The following GRIP1 variants were observed in gnomAD, a reference collection of about 807,000 sequenced individuals.
GRIP1 encodes the protein glutamate receptor-interacting protein 1.
In GRIP1, 45 loss-of-function variants were observed where a neutral mutation model predicts 129.9. The ratio of observed to expected loss-of-function variants is 0.35; its 90% CI spans 0.27 to 0.44. GRIP1 has a LOEUF of 0.44. GRIP1 is among the 20% of genes least tolerant of loss of function. GRIP1 has a pLI of 1.00. For synonymous variants in GRIP1, 530 were observed against 520.8 expected (o/e 1.02, Z -0.24); for missense variants, 1,196 against 1,396.8 (o/e 0.86, Z 2.29).
chr12:66,394,647 T>C (rs184823656), intron 16 of GRIP1, among the ~76,000 whole-genome samples: 57 of 152,354 alleles, frequency 3.7e-4, no homozygotes, highest in African/African-American at 1.3e-3. Flanking sequence ...TCTAGGACAG[T>C]GCTTACCTAG....
intron 1 of GRIP1, among the ~76,000 whole-genome samples, chr12:66,763,877 C>A (rs942733437): frequency 6.6e-6 from 1 of 152,218 alleles, no homozygotes; most frequent in Admixed American, 6.5e-5. Flanking sequence ...ATTTTTCTCT[C>A]AAAATTCTCC....
intron 1 of GRIP1, among the ~76,000 whole-genome samples, chr12:66,663,320 G>A (rs906274658): frequency 6.6e-6 from 1 of 152,138 alleles, no homozygotes; most frequent in African/African-American, 2.4e-5. Context: ...TATATGGGGG[G>A]AAGGTACATT....
At chr12:66,441,366 C>T (rs1203295838) in intron 13 of GRIP1, among the ~76,000 whole-genome samples, 1 of 151,894 alleles carries the variant, frequency 6.6e-6, no homozygotes, top group Non-Finnish European at 1.5e-5. Context: ...GGCAGAGTCC[C>T]CTCCTTGGTC....
intron 1 of GRIP1, chr12:67,037,637 T>C (rs1222639745): frequency 6.6e-6 from 1 of 152,126 alleles, no homozygotes; most frequent in Non-Finnish European, 1.5e-5. Context: ...GCAAAAACAG[T>C]TAAATTAGGT....
At chr12:66,616,731 C>G (rs2065053072) in intron 1 of GRIP1, among the ~76,000 whole-genome samples, 2 of 152,070 alleles carry the variant, frequency 1.3e-5, no homozygotes. Context: ...AACTTTAAAG[C>G]CAACCTAAGC....
At position 66,904,869 on chromosome 12, in the gene GRIP1, T is replaced by C. The variant is rs2040903839; in HGVS notation, c.58+164181A>G. ...ATTGCGCCACTGCACTCCAGCCTGGTGACAGAATGAGACTCCGTCTCAAAA... is the reference window on the plus strand; with the variant it reads ...ATTGCGCCACTGCACTCCAGCCTGGCGACAGAATGAGACTCCGTCTCAAAA... On this transcript the variant is annotated intron_variant, in intron 1 of 1. Transcript: ENST00000643019. 2.7e-5 allele frequency among the ~76,000 whole-genome samples: 4 copies of C among 149,928 alleles called. No homozygotes were observed. The South Asian group carries it at 8.5e-4, about 32-fold the overall frequency.
chr12:66,857,138 C>G (rs944504570), intron 1 of GRIP1, among the ~76,000 whole-genome samples: 1 of 151,730 alleles, frequency 6.6e-6, no homozygotes, highest in African/African-American at 2.4e-5. Flanking sequence ...AAACCAAACA[C>G]CGCATGTTCT....
chr12:66,575,257 T>C (rs1342675999), intron 2 of GRIP1, among the ~76,000 whole-genome samples: 1 of 152,198 alleles, frequency 6.6e-6, no homozygotes, highest in Non-Finnish European at 1.5e-5. Context: ...ATTCTAAAAA[T>C]TCACCACCTT....
intron 19 of GRIP1, among the ~76,000 whole-genome samples, chr12:66,383,313 A>ACAACAACAACAACAACAT (rs1206827437): frequency 2.6e-5 from 4 of 151,000 alleles, no homozygotes; most frequent in Non-Finnish European, 4.4e-5. Context: ...AACAACAACA[A>ACAACAACAACAACAACAT]CAACAACAAC....
intron 1 of GRIP1, among the ~76,000 whole-genome samples, chr12:66,864,505 T>C (rs1259149914): frequency 1.3e-5 from 2 of 151,920 alleles, no homozygotes; most frequent in Non-Finnish European, 2.9e-5. Context: ...TGCTTGAGCC[T>C]GTAAGTTCGA....
At chr12:66,882,611 T>C (rs961432022) in intron 1 of GRIP1, among the ~76,000 whole-genome samples, 2 of 152,184 alleles carry the variant, frequency 1.3e-5, no homozygotes, top group Non-Finnish European at 2.9e-5. Flanking sequence ...TATTAAGGGA[T>C]ATGCAGTCAT....
intron 22 of GRIP1, 140 bp from the exon 23 acceptor site, chr12:66,372,067 G>A (rs2055535925): frequency 2.9e-6 from 2 of 689,772 alleles, no homozygotes; most frequent in African/African-American, 3.5e-5. Context: ...GAAAATGGAT[G>A]TACTAATTGA....
chr12:66,930,738 A>C (rs1357679230), intron 1 of GRIP1, among the ~76,000 whole-genome samples: 1 of 152,092 alleles, frequency 6.6e-6, no homozygotes, highest in Non-Finnish European at 1.5e-5. Flanking sequence ...CTGCCCTGTT[A>C]TTTTATGAGC....
At chr12:66,706,365 A>G (rs1251532702) in intron 1 of GRIP1, among the ~76,000 whole-genome samples, 1 of 151,530 alleles carries the variant, frequency 6.6e-6, no homozygotes, top group Non-Finnish European at 1.5e-5. Context: ...GTCAGGAAAC[A>G]ATAGATGCTG....
intron 7 of GRIP1, among the ~76,000 whole-genome samples, chr12:66,481,800 G>C (rs2059813994): frequency 6.6e-6 from 1 of 152,120 alleles, no homozygotes; most frequent in East Asian, 1.9e-4. Context: ...CCTTTGCAGG[G>C]ACATGGATGA....
intron 1 of GRIP1, among the ~76,000 whole-genome samples, chr12:67,061,310 G>T (rs192488955): frequency 2.0e-5 from 3 of 152,102 alleles, no homozygotes; most frequent in Non-Finnish European, 2.9e-5. Context: ...ATATAGTAAC[G>T]TTACATTAAT....
chr12:66,839,937 T>C (rs1237547585), intron 1 of GRIP1, among the ~76,000 whole-genome samples: 1 of 152,226 alleles, frequency 6.6e-6, no homozygotes, highest in Non-Finnish European at 1.5e-5. Flanking sequence ...GTGTGTTTAA[T>C]AGATACTATA....
At chr12:66,951,739 T>C (rs186649710) in intron 1 of GRIP1, among the ~76,000 whole-genome samples, 2 of 152,286 alleles carry the variant, frequency 1.3e-5, no homozygotes, top group East Asian at 3.9e-4. Flanking sequence ...GAGAGGTACA[T>C]AAGTGGAGAA....
intron 1 of GRIP1, among the ~76,000 whole-genome samples, chr12:66,735,710 C>A (rs2036573393): frequency 6.6e-6 from 1 of 152,014 alleles, no homozygotes; most frequent in African/African-American, 2.4e-5. Flanking sequence ...AAGAGACCAT[C>A]AAGAAGTAGT....
Sources: gnomAD v4.1 joint callset for allele counts (sites outside exome capture counted in the v4.1 genomes callset) on GRCh38, gnomAD v4.1.1 for gene constraint, MANE v1.5 for transcripts, NCBI Gene and HGNC (gene_info 2026-07-23, HGNC 2026-07-21) for gene names.